CSNK1A1: variants seen among roughly 807,000 people sequenced by gnomAD.
The protein encoded by CSNK1A1 is casein kinase 1 alpha 1, also known as casein kinase I isoform alpha.
CSNK1A1 carries 7 observed loss-of-function variants against 46.1 expected under a neutral mutation model. That is an observed-to-expected ratio of 0.15 (90% confidence interval 0.09 to 0.29). The LOEUF is 0.29. Among genes scored for constraint, CSNK1A1 ranks in the 10% least tolerant of loss-of-function variants. The probability of loss-of-function intolerance (pLI) is 1.00; values close to 1 mark genes in which losing one functional copy is unlikely to be tolerated. For missense variants in CSNK1A1, 96 were observed against 417.1 expected (o/e 0.23, Z 6.71); for synonymous variants, 137 against 141.5 (o/e 0.97, Z 0.23).
rs201437438 is a variant in CSNK1A1 at position 149,550,092 on chromosome 5, A to C, written c.213T>G (p.Val71=). Residue 71 remains valine (V), a synonymous_variant, in exon 2 of 10, where the codon GTT becomes GTG. Coordinates refer to ENST00000377843, the MANE Select transcript of CSNK1A1 (RefSeq NM_001892.6). The surrounding 1 kb of genome is among the most constrained non-coding windows in gnomAD (Gnocchi z 4.3). ...GTTCTTACCGTATGTGGGGGATGCCAACCCCACCTTGAAGAATCTTATAGA... is the reference window on the plus strand; with the variant it reads ...GTTCTTACCGTATGTGGGGGATGCCCACCCCACCTTGAAGAATCTTATAGA... ...SKLYKILQGG[V]GIPHIRWYGQ... 2 of 1,613,712 alleles carry C rather than the reference A, an allele frequency of 1.2e-6. No homozygotes were observed. Among genetic ancestry groups the C allele is most frequent in the Non-Finnish European group, 1.7e-6 (2 of 1,179,770 alleles).
intron 9 of CSNK1A1, chr5:149,497,943 C>T: frequency 4.5e-6 from 3 of 670,394 alleles, no homozygotes; most frequent in Non-Finnish European, 5.5e-6. Context: ...AAGCGATTCT[C>T]CTGCCTCAGC....
At chr5:149,541,599 C>G (rs1255635722) in intron 2 of CSNK1A1, among the ~76,000 whole-genome samples, 3 of 152,122 alleles carry the variant, frequency 2.0e-5, no homozygotes, top group Non-Finnish European at 4.4e-5. Flanking sequence ...TTCTTGACAG[C>G]AAAAATCCCT....
rs1761449004 is a variant in CSNK1A1, at chr5:149,517,942, C to T, written c.456+2348G>A. On this transcript the variant is annotated intron_variant, in intron 4 of 9. Transcript: ENST00000377843. This position sits in a 1 kb window ranked among gnomAD's most constrained non-coding sequence, Gnocchi z 4.4. ...TTGCTTACATTGCAACAATGGCCGGCGCAGACAGGCAACACCGAGGCATTA... is the reference window on the plus strand; with the variant it reads ...TTGCTTACATTGCAACAATGGCCGGTGCAGACAGGCAACACCGAGGCATTA... The T allele has an allele frequency of 4.0e-6, 4 of 1,003,750 alleles. No homozygotes were observed. The highest frequency in any genetic ancestry group is 4.6e-6 in the Non-Finnish European group (3 of 647,308). The allele number at this position is 1,003,750 out of a possible 1,614,324, so 62.2% of individuals were successfully genotyped here.
intron 2 of CSNK1A1, among the ~76,000 whole-genome samples, chr5:149,535,051 G>A (rs1342088888): frequency 2.0e-5 from 3 of 152,074 alleles, no homozygotes; most frequent in Non-Finnish European, 1.5e-5. Context: ...CAATCATTGA[G>A]TCAAGTTACT....
rs533458401 is a variant in CSNK1A1, at chr5:149,550,364, A to G, written c.124-183T>C. ...AGCCTCAAAGGCCTCTTCAGGGGGTAGTGACGAAATCCGTACGTCCTCTAA... is the reference window on the plus strand; with the variant it reads ...AGCCTCAAAGGCCTCTTCAGGGGGTGGTGACGAAATCCGTACGTCCTCTAA... On this transcript the variant is annotated intron_variant, in intron 1 of 9. Coordinates refer to ENST00000377843, the MANE Select transcript of CSNK1A1 (RefSeq NM_001892.6). The surrounding 1 kb of genome is among the most constrained non-coding windows in gnomAD (Gnocchi z 4.3). 3.6e-6 allele frequency: 5 copies of G among 1,403,990 alleles called. No individual in the cohort carries two copies. In the South Asian group the frequency reaches 8.0e-5, roughly 22 times the overall value. The allele number at this position is 1,403,990 out of a possible 1,614,324, so 87.0% of individuals were successfully genotyped here.
intron 2 of CSNK1A1, among the ~76,000 whole-genome samples, chr5:149,541,970 CAAAAAAAAAA>C (rs1171466150): frequency 2.5e-5 from 1 of 40,040 alleles, no homozygotes; most frequent in African/African-American, 8.6e-5. Flanking sequence ...GACTGCATCT[CAAAAAAAAAA>C]AAAAAAAAAA....
In CSNK1A1 at chr5:149,525,189, G is replaced by T. The variant is rs780488968; in HGVS notation, c.231-18C>A. On this transcript the variant is annotated intron_variant, in intron 2 of 9. Coordinates refer to ENST00000377843, the MANE Select transcript of CSNK1A1 (RefSeq NM_001892.6). This position sits in a 1 kb window ranked among gnomAD's most constrained non-coding sequence, Gnocchi z 4.2. ...CATACCACCTAACGAAACAAAAGGA[G>T]AAGAGAGGATATTACAAAAAGCTAT... The T allele has an allele frequency of 1.3e-6, 2 of 1,584,854 alleles. No individual in the cohort carries two copies. Among genetic ancestry groups the T allele is most frequent in the South Asian group, 2.3e-5 (2 of 85,852 alleles).
Position 149,513,090 on chromosome 5 carries a change from T to C in CSNK1A1, c.576A>G (p.Ala192=), listed in dbSNP as rs372201931. 485 of 1,614,116 alleles carry C rather than the reference T, an allele frequency of 3.0e-4. No individual in the cohort carries two copies. Among genetic ancestry groups the C allele is most frequent in the Non-Finnish European group, 3.9e-4 (462 of 1,179,966 alleles). ...CTTACCTCTGCTCAATACCAAGATG[T>C]GCATTGATGCTAGCATATCGGGCAG... The part of the protein sequence containing the change: ...TGTARYASIN[A]HLGIEQSRRD... Residue 192 remains alanine (A), a synonymous_variant, in exon 5 of 10, where the codon GCA becomes GCG. Transcript: ENST00000377843.
rs1392134993 is a variant in CSNK1A1 at position 149,542,876 on chromosome 5, G to A, written c.230+7199C>T. On this transcript the variant is annotated intron_variant, in intron 2 of 9. Coordinates refer to ENST00000377843, the MANE Select transcript of CSNK1A1 (RefSeq NM_001892.6). ...ATGCTTGGCTAATTTTTGTATTTCA[G>A]TAGAGATGGGGTTTCACCATGTTGG... Among the ~76,000 whole-genome samples, 4 of 149,744 alleles carry A rather than the reference G, an allele frequency of 2.7e-5. No homozygotes were observed. The East Asian group carries it at 5.9e-4, about 22-fold the overall frequency.
At chr5:149,510,698 T>G (rs902546611) in intron 6 of CSNK1A1, among the ~76,000 whole-genome samples, 2 of 151,882 alleles carry the variant, frequency 1.3e-5, no homozygotes, top group Admixed American at 1.3e-4. Flanking sequence ...AGGCTGGTCT[T>G]GAACTCCTGG....
chr5:149,529,542 G>C lies in CSNK1A1; in HGVS notation c.231-4371C>G, dbSNP rs368712517. The C allele has an allele frequency of 6.4e-5, 21 of 325,852 alleles. No individual in the cohort carries two copies. The East Asian group carries it at 6.6e-4, about 10-fold the overall frequency. 20.2% of individuals were successfully genotyped at this position (325,852 alleles called of 1,614,324 possible). Reference sequence around the variant, plus strand: ...TAAAGAGGTATTAGGAAAATAGTCTGCTACCAGTCAGATCCTGAAGGATGA... The same window carrying C: ...TAAAGAGGTATTAGGAAAATAGTCTCCTACCAGTCAGATCCTGAAGGATGA... On this transcript the variant is annotated intron_variant, in intron 2 of 9. Transcript: ENST00000377843.
At chr5:149,547,542 T>C (rs1464511657) in intron 2 of CSNK1A1, among the ~76,000 whole-genome samples, 1 of 152,046 alleles carries the variant, frequency 6.6e-6, no homozygotes, top group Non-Finnish European at 1.5e-5. Context: ...CTCAAAAACA[T>C]TATGTTAAGT....
At chr5:149,503,094 T>G (rs914768001) in intron 9 of CSNK1A1, 1 of 985,352 alleles carries the variant, frequency 1.0e-6, no homozygotes, top group African/African-American at 1.7e-5. Flanking sequence ...AGAACCACTA[T>G]AGTGGACCTT....
At chr5:149,529,182 G>A (rs906259801) in intron 2 of CSNK1A1, among the ~76,000 whole-genome samples, 2 of 151,996 alleles carry the variant, frequency 1.3e-5, no homozygotes, top group African/African-American at 4.8e-5. Context: ...AATGTTCGGG[G>A]ATCTCATTTT....
intron 2 of CSNK1A1, among the ~76,000 whole-genome samples, chr5:149,537,488 C>T (rs1762094606): frequency 6.6e-6 from 1 of 152,126 alleles, no homozygotes; most frequent in South Asian, 2.1e-4. Context: ...TAACTACCCT[C>T]AACAGCTTGA....
At position 149,517,463 on chromosome 5, in the gene CSNK1A1, T is replaced by A. The variant is rs576897674; in HGVS notation, c.456+2827A>T. On this transcript the variant is annotated intron_variant, in intron 4 of 9. Transcript: ENST00000377843. The surrounding 1 kb of genome is among the most constrained non-coding windows in gnomAD (Gnocchi z 4.4). ...TAACTCCAAATAAATTTTTAAAAACTAACGATCTATCTCAAGTTTACTATT... is the reference window on the plus strand; with the variant it reads ...TAACTCCAAATAAATTTTTAAAAACAAACGATCTATCTCAAGTTTACTATT... Among the ~76,000 whole-genome samples, 87 of 152,308 alleles carry A rather than the reference T, an allele frequency of 5.7e-4. No homozygotes were observed. The highest frequency in any genetic ancestry group is 1.2e-3 in the Non-Finnish European group (80 of 68,020).
At chr5:149,512,351 C>T (rs1400965537) in intron 5 of CSNK1A1, among the ~76,000 whole-genome samples, 18 of 151,832 alleles carry the variant, frequency 1.2e-4, no homozygotes. Flanking sequence ...AATGCCTTGG[C>T]GTACAGAAAA....
intron 3 of CSNK1A1, among the ~76,000 whole-genome samples, chr5:149,523,629 T>C (rs1227526842): frequency 1.3e-5 from 2 of 152,376 alleles, no homozygotes; most frequent in East Asian, 1.9e-4. Context: ...TATCAGGTGC[T>C]GATTACAGAA....
At chr5:149,518,145 C>T (rs1283782652) in intron 4 of CSNK1A1, among the ~76,000 whole-genome samples, 4 of 152,012 alleles carry the variant, frequency 2.6e-5, no homozygotes, top group Admixed American at 2.6e-4. Flanking sequence ...ACATTTGGCT[C>T]TTTTATATTT....
Sources: allele counts gnomAD v4.1 joint callset (sites outside exome capture counted in the v4.1 genomes callset), GRCh38; gene constraint gnomAD v4.1.1; non-coding constraint Gnocchi (gnomAD v3.1); transcripts MANE v1.5; gene names NCBI Gene and HGNC (gene_info 2026-07-23, HGNC 2026-07-21).